Variants in POC1B observed in about 807,000 individuals in gnomAD.
POC1B encodes the protein POC1 centriolar protein B, also known as POC1 centriolar protein homolog B.
POC1B carries 44 observed loss-of-function variants against 60.6 expected under a neutral mutation model. That is an observed-to-expected ratio of 0.73 (90% CI 0.57 to 0.93). The LOEUF is 0.93. POC1B is among the 40% of genes least tolerant of loss of function. The pLI, the probability that POC1B is intolerant of heterozygous loss-of-function variation, is 0.00. For missense variants in POC1B, 555 were observed against 572.3 expected (o/e 0.97, Z 0.31); for synonymous variants, 180 against 198.9 (o/e 0.90, Z 0.80).
chr12:89,440,159 G>T (rs1881452481), intron 10 of POC1B, among the ~76,000 whole-genome samples: 1 of 152,138 alleles, frequency 6.6e-6, no homozygotes, highest in South Asian at 2.1e-4. Flanking sequence ...CCTTCATGAT[G>T]CTAACACCAC....
intron 10 of POC1B, among the ~76,000 whole-genome samples, chr12:89,458,874 T>G (rs1882362954): frequency 1.3e-5 from 2 of 152,226 alleles, no homozygotes; most frequent in East Asian, 3.8e-4. Context: ...TTGGAAAGAA[T>G]TAGCAGAATC....
chr12:89,522,156 T>A (rs1347763487), intron 2 of POC1B: 6 of 398,792 alleles, frequency 1.5e-5, no homozygotes, highest in Non-Finnish European at 2.7e-5. Context: ...GTTTACAAAG[T>A]ACGGAATGTA....
chr12:89,481,074 A>G (rs1427097790), intron 4 of POC1B, among the ~76,000 whole-genome samples: 1 of 146,712 alleles, frequency 6.8e-6, no homozygotes, highest in African/African-American at 2.5e-5. Context: ...TGTTAGGGCC[A>G]TGTTGGCCAG....
chr12:89,481,470 T>C (rs992431838), intron 4 of POC1B, among the ~76,000 whole-genome samples: 3 of 152,184 alleles, frequency 2.0e-5, no homozygotes, highest in Non-Finnish European at 4.4e-5. Context: ...TAGGAGCACT[T>C]TCTAAATCTT....
chr12:89,450,615 C>T (rs1335869436), intron 10 of POC1B, among the ~76,000 whole-genome samples: 1 of 152,068 alleles, frequency 6.6e-6, no homozygotes, highest in Non-Finnish European at 1.5e-5. Flanking sequence ...AAATAAACAG[C>T]AATCATGAAC....
At chr12:89,415,960 A>G (rs572078762), downstream of POC1B, among the ~76,000 whole-genome samples, 5 of 152,308 alleles carry the variant, frequency 3.3e-5, no homozygotes, top group East Asian at 9.6e-4. Flanking sequence ...ATGTTTGCCT[A>G]TCCTATTTCT....
chr12:89,438,411 A>C (rs1195724057), intron 10 of POC1B, among the ~76,000 whole-genome samples: 18 of 152,202 alleles, frequency 1.2e-4, no homozygotes, highest in Admixed American at 1.1e-3. Flanking sequence ...GAGCCGTGAT[A>C]GCGCCACTGC....
the POC1B span, among the ~76,000 whole-genome samples, chr12:89,404,511 A>C: frequency 6.6e-6 from 1 of 152,236 alleles, no homozygotes; most frequent in Non-Finnish European, 1.5e-5. Flanking sequence ...GTTAATGTTA[A>C]TGATGGAGCA....
intron 2 of POC1B, among the ~76,000 whole-genome samples, chr12:89,510,868 CT>C (rs1183906775): frequency 6.6e-6 from 1 of 150,576 alleles, no homozygotes; most frequent in African/African-American, 2.4e-5. Context: ...AGCAATTCTC[CT>C]GCCTCAGCCT....
At position 89,501,349 on chromosome 12, in the gene POC1B, A is replaced by C. The variant is rs58671488; in HGVS notation, c.101-4007T>G. On this transcript the variant is annotated intron_variant, in intron 2 of 11. Transcript: ENST00000313546. ...AGAAAAATCATCTGGAAGCAAAAGG[A>C]CTATAAAACAAAAACAGAGAAGAAA... The C allele has an allele frequency of 1.8e-3, 1,740 of 987,590 alleles. 22 individuals carry two copies. In the African/African-American group the frequency reaches 0.024, roughly 14 times the overall value. The allele number at this position is 987,590 out of a possible 1,614,324, so 61.2% of individuals were successfully genotyped here.
intron 1 of POC1B, 155 bp from the exon 2 acceptor site, chr12:89,525,359 G>A: frequency 7.0e-7 from 1 of 1,427,686 alleles, no homozygotes. Context: ...GCCCACCCAC[G>A]GGCGCGGCGC....
chr12:89,515,272 C>T (rs754140003), intron 2 of POC1B, among the ~76,000 whole-genome samples: 2 of 152,016 alleles, frequency 1.3e-5, no homozygotes, highest in African/African-American at 4.8e-5. Flanking sequence ...GAAACACAGA[C>T]AAATATATCA....
intron 4 of POC1B, among the ~76,000 whole-genome samples, chr12:89,479,328 G>A (rs894442400): frequency 2.0e-5 from 3 of 151,748 alleles, no homozygotes; most frequent in Admixed American, 6.6e-5. Context: ...TGGAAAAATC[G>A]GTTATTTCTA....
At chr12:89,442,979 A>G (rs1205143370) in intron 10 of POC1B, among the ~76,000 whole-genome samples, 3 of 152,228 alleles carry the variant, frequency 2.0e-5, no homozygotes, top group Non-Finnish European at 2.9e-5. Context: ...CAGACTTTAA[A>G]CCAACAAAGA....
chr12:89,465,135 T>C (rs1246984946), intron 9 of POC1B, among the ~76,000 whole-genome samples: 1 of 152,200 alleles, frequency 6.6e-6, no homozygotes, highest in East Asian at 1.9e-4. Flanking sequence ...TGGCTTTGCA[T>C]GGCCTGGGTC....
At chr12:89,402,614 C>T in the POC1B span, among the ~76,000 whole-genome samples, 3 of 152,186 alleles carry the variant, frequency 2.0e-5, no homozygotes, top group Admixed American at 6.5e-5. Context: ...CAAGTCAGAA[C>T]ATGCGGTATT....
chr12:89,524,612 G>T, intron 2 of POC1B: 1 of 1,544,500 alleles, frequency 6.5e-7, no homozygotes, highest in East Asian at 2.2e-5. Context: ...GAAGGGCGGC[G>T]GAACCCACAG....
chr12:89,505,226 A>G (rs1245068164), intron 2 of POC1B, among the ~76,000 whole-genome samples: 1 of 152,252 alleles, frequency 6.6e-6, no homozygotes, highest in Non-Finnish European at 1.5e-5. Context: ...GAATGTTCAT[A>G]TACTACTAGT....
the POC1B span, among the ~76,000 whole-genome samples, chr12:89,411,098 C>A: frequency 1.3e-5 from 2 of 152,118 alleles, no homozygotes; most frequent in Non-Finnish European, 2.9e-5. Flanking sequence ...GAACAACAAA[C>A]CACTGCTCAA....
Sources: allele counts gnomAD v4.1 joint callset (sites outside exome capture counted in the v4.1 genomes callset), GRCh38; gene constraint gnomAD v4.1.1; transcripts MANE v1.5; gene names NCBI Gene and HGNC (gene_info 2026-07-23, HGNC 2026-07-21).